The following ARHGEF1 variants were observed in gnomAD, a reference collection of about 807,000 sequenced individuals.
The protein encoded by ARHGEF1 is Rho guanine nucleotide exchange factor 1.
A neutral mutation model predicts 119.7 loss-of-function variants in ARHGEF1; 40 were observed. That is an observed-to-expected ratio of 0.33 (90% CI 0.26 to 0.44). The LOEUF (loss-of-function observed/expected upper bound fraction) is 0.44. ARHGEF1 is among the 20% of genes least tolerant of loss of function. The pLI is 1.00. For missense variants in ARHGEF1, 976 were observed against 1,268.3 expected (o/e 0.77, Z 3.50); for synonymous variants, 494 against 521.0 (o/e 0.95, Z 0.71).
Position 41,906,565 on chromosome 19 carries a change from C to T in ARHGEF1, c.2600C>T (p.Thr867Ile). The T allele has an allele frequency of 6.2e-7, 1 of 1,601,038 alleles. No homozygotes were observed. Among genetic ancestry groups the T allele is most frequent in the Admixed American group, 1.8e-5 (1 of 55,066 alleles). ...GGCGGCCCCCTGAGCCCAGCACGGACCCAGGAAATCCAGGAGAACCTGCTC... is the reference window on the plus strand; with the variant it reads ...GGCGGCCCCCTGAGCCCAGCACGGATCCAGGAAATCCAGGAGAACCTGCTC... The part of the protein sequence containing the change: ...PGGGPLSPAR[T>I]QEIQENLLSL... Residue 867 changes from threonine (T) to isoleucine (I), a missense_variant, in exon 27 of 29, where the codon ACC becomes ATC. Transcript: ENST00000354532. The surrounding 1 kb of genome is among the most constrained non-coding windows in gnomAD (Gnocchi z 4.5).
chr19:41,910,097 C>T, downstream of ARHGEF1: 1 of 1,611,662 alleles, frequency 6.2e-7, no homozygotes, highest in Non-Finnish European at 8.5e-7. The surrounding 1 kb of genome is among the most constrained non-coding windows in gnomAD (Gnocchi z 4.4). Context: ...GAAGGCAAAC[C>T]CTGGGGACGG....
upstream of ARHGEF1, among the ~76,000 whole-genome samples, chr19:41,920,065 T>G (rs1169417256): frequency 9.5e-6 from 1 of 105,014 alleles, no homozygotes; most frequent in African/African-American, 3.9e-5. Flanking sequence ...CACACCCAGA[T>G]GTGACACACT....
Position 41,906,402 on chromosome 19 carries a change from G to A in ARHGEF1, c.2492-55G>A. 4 of 1,502,636 alleles carry A rather than the reference G, an allele frequency of 2.7e-6. No individual in the cohort carries two copies. Among genetic ancestry groups the A allele is most frequent in the Non-Finnish European group, 1.8e-6 (2 of 1,125,668 alleles). The allele number at this position is 1,502,636 out of a possible 1,614,324, so 93.1% of individuals were successfully genotyped here. A position where few individuals can be genotyped will look rare whatever the true frequency, so the allele number is the denominator to read the frequency against. On this transcript the variant is annotated intron_variant, in intron 26 of 28. Transcript: ENST00000354532. This position sits in a 1 kb window ranked among gnomAD's most constrained non-coding sequence, Gnocchi z 4.5. Reference sequence around the variant, plus strand: ...ATCCCCTTTGGAATCCCCCATCCCAGATCCCAGCCCAGCCCCCTGGTCTCC... The same window carrying A: ...ATCCCCTTTGGAATCCCCCATCCCAAATCCCAGCCCAGCCCCCTGGTCTCC...
chr19:41,917,928 G>A lies in ARHGEF1; in HGVS notation c.1866-5164G>A, dbSNP rs927705863. On this transcript the variant is annotated intron_variant, in intron 18 of 20. Coordinates refer to the ARHGEF1 transcript ENST00000599589. The surrounding 1 kb of genome is among the most constrained non-coding windows in gnomAD (Gnocchi z 4.8). ...CCAGCTCCCCGCGGTCACACACTGT[G>A]TGTGTGTGTGCTCACACACCTGTCC... 3.3e-5 allele frequency among the ~76,000 whole-genome samples: 5 copies of A among 151,922 alleles called. No individual in the cohort carries two copies. Among genetic ancestry groups the A allele is most frequent in the African/African-American group, 1.2e-4 (5 of 41,308 alleles).
Position 41,898,475 on chromosome 19 carries a change from G to T in ARHGEF1, c.1155G>T (p.Arg385=), listed in dbSNP as rs1555848379. 1.3e-6 allele frequency: 2 copies of T among 1,549,430 alleles called. No individual in the cohort carries two copies. Among genetic ancestry groups the T allele is most frequent in the East Asian group, 4.9e-5 (2 of 40,978 alleles). Residue 385 remains arginine (R), a synonymous_variant, in exon 14 of 29, where the codon CGG becomes CGT. Coordinates refer to ENST00000354532, the MANE Select transcript of ARHGEF1 (RefSeq NM_004706.4). ...PEPGDEGEPG[R]SGLELEPEEP... ...CTGGAGATGAGGGGGAGCCGGGGCG[G>T]TCGGGACTGGAGCTTGAACCAGAAG...
At chr19:41,912,334 C>T (rs1235260160), downstream of ARHGEF1, among the ~76,000 whole-genome samples, 1 of 152,182 alleles carries the variant, frequency 6.6e-6, no homozygotes, top group East Asian at 1.9e-4. Context: ...ACACCCCTCC[C>T]GCTGCACATC....
At chr19:41,928,065 G>C (rs919940420) in intron 1 of ARHGEF1, 15 of 152,154 alleles carry the variant, frequency 9.9e-5, no homozygotes, top group Non-Finnish European at 2.2e-4. Context: ...CATCCGCTCC[G>C]GTCCGGGGAG....
intron 13 of ARHGEF1, chr19:41,896,809 C>CA: frequency 2.3e-6 from 1 of 427,368 alleles, no homozygotes; most frequent in South Asian, 1.7e-5. Context: ...CTCACCTCCC[C>CA]TCTCCTCTCT....
Position 41,893,309 on chromosome 19 carries a change from G to A in ARHGEF1, c.644+6G>A. On this transcript the variant is annotated splice_donor_region_variant and intron_variant, in intron 8 of 28. Coordinates refer to ENST00000354532, the MANE Select transcript of ARHGEF1 (RefSeq NM_004706.4). ...TCTACCGACGAAGAAAAGAGGTGAG[G>A]GGGGCAGGGGAGGCGTGCGGCCTCC... is the stretch of plus-strand genomic sequence containing the variant. The A allele has an allele frequency of 6.2e-7, 1 of 1,607,300 alleles. No individual in the cohort carries two copies. The highest frequency in any genetic ancestry group is 8.5e-7 in the Non-Finnish European group (1 of 1,177,184).
chr19:41,896,587 C>T (rs1555847694), intron 13 of ARHGEF1, 105 bp downstream of exon 13: 1 of 863,086 alleles, frequency 1.2e-6, no homozygotes, highest in Non-Finnish European at 1.9e-6. Context: ...CAGGCTCTTG[C>T]TCCCCATGCT....
upstream of ARHGEF1, among the ~76,000 whole-genome samples, chr19:41,918,500 ACACACACAC>A (rs560919399): frequency 7.0e-4 from 103 of 146,532 alleles, no homozygotes; most frequent in Non-Finnish European, 9.8e-4. Flanking sequence ...CACACACATC[ACACACACAC>A]CACACACATC....
In ARHGEF1 at chr19:41,904,912, C is replaced by G; in HGVS notation, c.2162-37C>G. 6.4e-7 allele frequency: 1 copy of G among 1,565,800 alleles called. No homozygotes were observed. Among genetic ancestry groups the G allele is most frequent in the African/African-American group, 1.4e-5 (1 of 74,030 alleles). ...TAGGGAGGGGCAGGCACTGGGGGGACCTGGGCTCTGAGCCCCATCTCCCCC... is the reference window on the plus strand; with the variant it reads ...TAGGGAGGGGCAGGCACTGGGGGGAGCTGGGCTCTGAGCCCCATCTCCCCC... On this transcript the variant is annotated intron_variant, in intron 22 of 28. Coordinates refer to ENST00000354532, the MANE Select transcript of ARHGEF1 (RefSeq NM_004706.4). The surrounding 1 kb of genome is among the most constrained non-coding windows in gnomAD (Gnocchi z 8.4).
Position 41,912,965 on chromosome 19 carries a change from G to A in ARHGEF1, c.1865+6162G>A, listed in dbSNP as rs1457115179. The A allele has an allele frequency of 2.4e-5, 25 of 1,052,294 alleles. No homozygotes were observed. The East Asian group carries it at 4.2e-4, about 18-fold the overall frequency. The allele number at this position is 1,052,294 out of a possible 1,614,324, so 65.2% of individuals were successfully genotyped here. On this transcript the variant is annotated intron_variant, in intron 18 of 20. Coordinates refer to the ARHGEF1 transcript ENST00000599589. The stretch of plus-strand genomic sequence containing the variant: ...GGCCGGGAGGGACACACGGGGACGG[G>A]GTGGGCAGGAGAGACAGACACAGGT...
chr19:41,893,137 C>A, intron 7 of ARHGEF1, 137 bp from the exon 8 acceptor site: 1 of 1,251,890 alleles, frequency 8.0e-7, no homozygotes, highest in Non-Finnish European at 1.1e-6. Context: ...CAGTCCTTCC[C>A]AATCCCTTCC....
intron 2 of ARHGEF1, chr19:41,929,069 T>C (rs2074890119): frequency 2.9e-6 from 1 of 342,712 alleles, no homozygotes; most frequent in Non-Finnish European, 6.0e-6. Flanking sequence ...ACCTGCCATC[T>C]ATACACGCAG....
Position 41,904,004 on chromosome 19 carries a change from C to T in ARHGEF1, c.1918-31C>T. 1.2e-6 allele frequency: 2 copies of T among 1,610,076 alleles called. No individual in the cohort carries two copies. The highest frequency in any genetic ancestry group is 1.7e-6 in the Non-Finnish European group (2 of 1,176,610). On this transcript the variant is annotated intron_variant, in intron 20 of 28. Coordinates refer to ENST00000354532, the MANE Select transcript of ARHGEF1 (RefSeq NM_004706.4). This position sits in a 1 kb window ranked among gnomAD's most constrained non-coding sequence, Gnocchi z 8.4. Reference sequence around the variant, plus strand: ...CCAACCCCAATCACCCCCTGCCAACCTGCACAAACCATCACCCCCTCCTGC... The same window carrying T: ...CCAACCCCAATCACCCCCTGCCAACTTGCACAAACCATCACCCCCTCCTGC...
In ARHGEF1 at chr19:41,896,370, C is replaced by T. The variant is rs1555847591; in HGVS notation, c.1016-7C>T. On this transcript the variant is annotated splice_polypyrimidine_tract_variant and splice_region_variant and intron_variant, in intron 12 of 28. Coordinates refer to ENST00000354532, the MANE Select transcript of ARHGEF1 (RefSeq NM_004706.4). ...TTCCAGCCAGCCCTGCTCCCTCCAC[C>T]CCACAGGTGCTGACGCCCCCCTGGA... 2 of 1,421,626 alleles carry T rather than the reference C, an allele frequency of 1.4e-6. No homozygotes were observed. Among genetic ancestry groups the T allele is most frequent in the East Asian group, 2.6e-5 (1 of 38,572 alleles). 88.1% of individuals were successfully genotyped at this position (1,421,626 alleles called of 1,614,324 possible).
chr19:41,903,384 G>A lies in ARHGEF1; in HGVS notation c.1816G>A (p.Val606Met). The A allele has an allele frequency of 6.2e-7, 1 of 1,613,952 alleles. No individual in the cohort carries two copies. Among genetic ancestry groups the A allele is most frequent in the Non-Finnish European group, 8.5e-7 (1 of 1,180,026 alleles). ...REILHHVNQA[V>M]RDMEDLLRLK... The stretch of plus-strand genomic sequence containing the variant: ...AATTCTACACCACGTCAACCAAGCC[G>A]TGCGTGACATGGAGGACCTGCTGGT... The change falls in exon 19 of 29, where the codon GTG becomes ATG. Residue 606 changes from valine (V) to methionine (M), a missense_variant. By Grantham distance (21) the Val-to-Met change is conservative (BLOSUM62 1). Transcript: ENST00000354532. This position sits in a 1 kb window ranked among gnomAD's most constrained non-coding sequence, Gnocchi z 4.2.
intron 13 of ARHGEF1, chr19:41,897,812 ACCTCTGTCCCTGCCCTGGTCTCTCCCCG>A: frequency 1.1e-6 from 1 of 929,308 alleles, no homozygotes; most frequent in East Asian, 3.3e-5. Flanking sequence ...GCCTCTCCCC[ACCTCTGTCCCTGCCCTGGTCTCTCCCCG>A]TCTCTGTCCC....
Sources: allele counts gnomAD v4.1 joint callset (sites outside exome capture counted in the v4.1 genomes callset), GRCh38; gene constraint gnomAD v4.1.1; non-coding constraint Gnocchi (gnomAD v3.1); transcripts MANE v1.5; gene names NCBI Gene and HGNC (gene_info 2026-07-23, HGNC 2026-07-21).